HTR1F: variants seen among roughly 807,000 people sequenced by gnomAD.
HTR1F encodes 5-hydroxytryptamine receptor 1F, also known as 5-hydroxytryptamine (serotonin) receptor 1F, G protein-coupled.
A neutral mutation model predicts 24.0 loss-of-function variants in HTR1F; 17 were observed. The ratio of observed to expected loss-of-function variants is 0.71; its 90% CI spans 0.48 to 1.06. The LOEUF is 1.06. Ranked by LOEUF, HTR1F falls within the 50% of genes least tolerant of loss-of-function variation. The pLI is 0.00. For missense variants in HTR1F, 391 were observed against 427.8 expected, an observed-to-expected ratio of 0.91 and a Z score of 0.76; for synonymous variants, 186 against 156.8, an observed-to-expected ratio of 1.19 and a Z score of -1.39.
At chr3:87,897,773 C>T (rs142050086) in intron 2 of HTR1F, among the ~76,000 whole-genome samples, 6 of 152,052 alleles carry the variant, frequency 3.9e-5, no homozygotes, top group Non-Finnish European at 7.4e-5. Context: ...CTCCTGCATA[C>T]GTCATTTGTT....
At position 87,987,464 on chromosome 3, in the gene HTR1F, T is replaced by C. The variant is rs371240178; in HGVS notation, c.-42-3244T>C. ...CCTAAGCACACCATTACATCATAGG[T>C]CCTGTGATCCAATACTGATTTTAGG... On this transcript the variant is annotated intron_variant, in intron 2 of 2. Coordinates refer to ENST00000319595, the MANE Select transcript of HTR1F (RefSeq NM_001322209.2). 1.8e-3 allele frequency among the ~76,000 whole-genome samples: 279 copies of C among 151,610 alleles called. 2 individuals are homozygous for C. The highest frequency in any genetic ancestry group is 5.5e-3 in the African/African-American group (229 of 41,418).
intron 2 of HTR1F, among the ~76,000 whole-genome samples, chr3:87,985,275 C>A (rs533685601): frequency 1.3e-5 from 2 of 151,604 alleles, no homozygotes; most frequent in African/African-American, 4.9e-5. Context: ...GCAGAGGTTG[C>A]GGTGAGCCAG....
At chr3:87,793,969 CAA>C (rs78156685) in intron 1 of HTR1F, among the ~76,000 whole-genome samples, 9 of 93,766 alleles carry the variant, frequency 9.6e-5, no homozygotes, top group Non-Finnish European at 1.6e-4. Context: ...TATGCTATGC[CAA>C]AAAAAAAAAA....
At chr3:87,877,826 C>A (rs1482077482) in intron 2 of HTR1F, among the ~76,000 whole-genome samples, 2 of 152,166 alleles carry the variant, frequency 1.3e-5, no homozygotes, top group Non-Finnish European at 2.9e-5. Flanking sequence ...CACTGTTTGT[C>A]TTTGGGTAAG....
chr3:87,958,343 G>A lies in HTR1F; in HGVS notation c.-42-32365G>A, dbSNP rs1415927580. 4.0e-5 allele frequency among the ~76,000 whole-genome samples: 6 copies of A among 151,180 alleles called. No homozygotes were observed. The East Asian group carries it at 9.7e-4, about 24-fold the overall frequency. ...TTTTGTTTTATTTTCTGGTCTAATTGTTCCATCATTAGCTTAGAGAAGAGT... is the reference window on the plus strand; with the variant it reads ...TTTTGTTTTATTTTCTGGTCTAATTATTCCATCATTAGCTTAGAGAAGAGT... On this transcript the variant is annotated intron_variant, in intron 2 of 2. Coordinates refer to ENST00000319595, the MANE Select transcript of HTR1F (RefSeq NM_001322209.2).
At chr3:87,902,940 G>C (rs1706364701) in intron 2 of HTR1F, among the ~76,000 whole-genome samples, 1 of 151,608 alleles carries the variant, frequency 6.6e-6, no homozygotes, top group Non-Finnish European at 1.5e-5. Flanking sequence ...TAGATCAATG[G>C]AACAGAACAG....
chr3:87,905,267 G>A (rs921286499), intron 2 of HTR1F, among the ~76,000 whole-genome samples: 2 of 151,580 alleles, frequency 1.3e-5, no homozygotes, highest in Non-Finnish European at 2.9e-5. Flanking sequence ...CTATGATCAC[G>A]CCAGTGCCAC....
At chr3:87,908,622 A>G (rs1307180101) in intron 2 of HTR1F, among the ~76,000 whole-genome samples, 2 of 152,048 alleles carry the variant, frequency 1.3e-5, no homozygotes, top group Non-Finnish European at 2.9e-5. Context: ...ATTTAGAGTC[A>G]TGTCCATTTC....
intron 2 of HTR1F, among the ~76,000 whole-genome samples, chr3:87,971,250 C>T (rs1158110829): frequency 2.6e-5 from 4 of 152,048 alleles, no homozygotes; most frequent in Non-Finnish European, 4.4e-5. Context: ...TTGATTGGTT[C>T]GTTTCAGTCT....
intron 2 of HTR1F, among the ~76,000 whole-genome samples, chr3:87,851,142 G>T (rs1032888578): frequency 2.0e-5 from 3 of 151,574 alleles, no homozygotes; most frequent in Non-Finnish European, 4.4e-5. Flanking sequence ...TTTCTTCTGG[G>T]TGCTACAAAA....
At position 87,993,421 on chromosome 3, in the gene HTR1F, G is replaced by C. The variant is rs1215412526; in HGVS notation, c.*1571G>C. 6.0e-6 allele frequency: 1 copy of C among 166,802 alleles called. No homozygotes were observed. Among genetic ancestry groups the C allele is most frequent in the Non-Finnish European group, 1.5e-5 (1 of 68,098 alleles). The allele number at this position is 166,802 out of a possible 1,614,324, so 10.3% of individuals were successfully genotyped here. The stretch of plus-strand genomic sequence containing the variant: ...AAAAATAAAACTATAATAGAAAAGA[G>C]CAAACTAAAATCTGGCATGGAAGTT... On this transcript the variant is annotated 3_prime_UTR_variant, in exon 3 of 3. Transcript: ENST00000319595.
chr3:87,921,341 C>T (rs1467843508), intron 2 of HTR1F, among the ~76,000 whole-genome samples: 1 of 151,680 alleles, frequency 6.6e-6, no homozygotes, highest in African/African-American at 2.4e-5. Flanking sequence ...TGATATTAGC[C>T]ACAAAAGCAA....
At chr3:87,970,457 A>G (rs1316832338) in intron 2 of HTR1F, among the ~76,000 whole-genome samples, 1 of 152,218 alleles carries the variant, frequency 6.6e-6, no homozygotes, top group African/African-American at 2.4e-5. Context: ...GAAAAGCCCA[A>G]AGTGGGAATG....
At chr3:87,911,594 C>T (rs1184808850) in intron 2 of HTR1F, among the ~76,000 whole-genome samples, 1 of 151,922 alleles carries the variant, frequency 6.6e-6, no homozygotes, top group East Asian at 1.9e-4. Context: ...CAGCATTATC[C>T]TAATACCAAA....
chr3:87,890,935 G>A (rs767497650), intron 2 of HTR1F, among the ~76,000 whole-genome samples: 27 of 150,536 alleles, frequency 1.8e-4, no homozygotes, highest in South Asian at 1.5e-3. Context: ...TGTGCCTCCC[G>A]GGTTCAAGCG....
In HTR1F at chr3:87,910,900, A is replaced by G. The variant is rs188939153; in HGVS notation, c.-42-79808A>G. Among the ~76,000 whole-genome samples the G allele has an allele frequency of 1.2e-4, 18 of 152,092 alleles. 1 individual carries two copies. Among genetic ancestry groups the G allele is most frequent in the Non-Finnish European group, 1.9e-4 (13 of 67,974 alleles). On this transcript the variant is annotated intron_variant, in intron 2 of 2. Coordinates refer to ENST00000319595, the MANE Select transcript of HTR1F (RefSeq NM_001322209.2). Reference sequence around the variant, plus strand: ...GAGTAAATAATGAGATTAAGGCAGAAATCAAGAAGTTCTTTGAAACTAATG... The same window carrying G: ...GAGTAAATAATGAGATTAAGGCAGAGATCAAGAAGTTCTTTGAAACTAATG...
intron 2 of HTR1F, among the ~76,000 whole-genome samples, chr3:87,848,228 G>A (rs905951984): frequency 2.6e-5 from 4 of 151,752 alleles, no homozygotes; most frequent in Admixed American, 6.6e-5. Flanking sequence ...TGAGATGATA[G>A]CTCATTGCGG....
At chr3:87,895,733 T>TA (rs1049590464) in intron 2 of HTR1F, among the ~76,000 whole-genome samples, 5 of 152,188 alleles carry the variant, frequency 3.3e-5, no homozygotes, top group South Asian at 2.1e-4. Flanking sequence ...TACTTGTAGA[T>TA]AAAAAAACTT....
intron 2 of HTR1F, among the ~76,000 whole-genome samples, chr3:87,867,194 A>C (rs1447783017): frequency 6.6e-6 from 1 of 151,886 alleles, no homozygotes; most frequent in African/African-American, 2.4e-5. Flanking sequence ...GCACATTTGC[A>C]CTTTTTGTGT....
Sources: gnomAD v4.1 joint callset for allele counts (sites outside exome capture counted in the v4.1 genomes callset) on GRCh38, gnomAD v4.1.1 for gene constraint, MANE v1.5 for transcripts, NCBI Gene and HGNC (gene_info 2026-07-23, HGNC 2026-07-21) for gene names.